HECTD4: variants seen among roughly 807,000 people sequenced by gnomAD.
HECTD4 encodes the protein HECT domain E3 ubiquitin protein ligase 4.
Under a neutral mutation model 471.5 loss-of-function variants are expected in HECTD4, and 114 were observed. The observed-to-expected ratio is 0.24, with a 90% CI of 0.21 to 0.28. HECTD4 has a LOEUF of 0.28. HECTD4 is among the 10% of genes least tolerant of loss of function. HECTD4 has a pLI of 1.00. For missense variants in HECTD4, 3,866 were observed against 5,651.5 expected (o/e 0.68, Z 10.13); for synonymous variants, 2,012 against 2,256.0 (o/e 0.89, Z 3.07).
intron 35 of HECTD4, among the ~76,000 whole-genome samples, chr12:112,236,148 G>T (rs1269405601): frequency 6.6e-6 from 1 of 152,070 alleles, no homozygotes; most frequent in Non-Finnish European, 1.5e-5. Context: ...TATTTAACAT[G>T]TATACACAGG....
chr12:112,177,000 G>A (rs1449321260), intron 64 of HECTD4, among the ~76,000 whole-genome samples: 2 of 152,164 alleles, frequency 1.3e-5, no homozygotes, highest in Non-Finnish European at 2.9e-5. Context: ...GCCAGATGTA[G>A]CTACCTAAGG....
intron 70 of HECTD4, 31 bp downstream of exon 70, chr12:112,169,472 C>G: frequency 6.3e-7 from 1 of 1,583,038 alleles, no homozygotes. Context: ...CACAGCTCCT[C>G]CAGCGTGGAG....
rs2032274131 is a variant in HECTD4 at position 112,197,231 on chromosome 12, G to C, written c.8568-2165C>G. ...CTGGCTATGAGCTTGTTTTGGGTCT[G>C]ACCTGCAGCCCTGGTTTGGACACTG... On this transcript the variant is annotated intron_variant, in intron 55 of 75. Coordinates refer to ENST00000682272, the MANE Select transcript of HECTD4 (RefSeq NM_001388303.1). Among the ~76,000 whole-genome samples the C allele has an allele frequency of 2.0e-5, 3 of 152,304 alleles. No individual in the cohort carries two copies. In the South Asian group the frequency reaches 6.2e-4, roughly 32 times the overall value.
intron 34 of HECTD4, among the ~76,000 whole-genome samples, chr12:112,238,561 A>AAAC (rs890441829): frequency 2.0e-5 from 3 of 152,128 alleles, no homozygotes; most frequent in Non-Finnish European, 4.4e-5. Context: ...CTCTAAAAAC[A>AAAC]AACAACAACA....
chr12:112,264,059 C>A, intron 17 of HECTD4, 25 bp downstream of exon 17: 1 of 1,600,262 alleles, frequency 6.2e-7, no homozygotes, highest in South Asian at 1.1e-5. Flanking sequence ...TAGAACGCAT[C>A]GTTAAAATAA....
At chr12:112,378,313 G>T (rs576978593) in intron 1 of HECTD4, among the ~76,000 whole-genome samples, 3 of 152,086 alleles carry the variant, frequency 2.0e-5, no homozygotes, top group Non-Finnish European at 2.9e-5. Context: ...CCGCCTCCCG[G>T]GTTCACACCA....
At position 112,279,306 on chromosome 12, in the gene HECTD4, C is replaced by T. The variant is rs368477197; in HGVS notation, c.1609G>A (p.Val537Met). The T allele has an allele frequency of 1.2e-6, 2 of 1,613,076 alleles. No individual in the cohort carries two copies. The highest frequency in any genetic ancestry group is 2.2e-5 in the East Asian group (1 of 44,814). ...CTGCCTGATCCCCCTGGAGGAGGCA[C>T]CAGCATCACCAAGTAGGTGCCACAG... ...YTCGTYLVML[V>M]PPPGGSGSSA... The change falls in exon 9 of 76, where the codon GTG becomes ATG. Residue 537 changes from valine (V) to methionine (M), a missense_variant. Physicochemically the swap from Val to Met is conservative, Grantham distance 21. This residue lies in a region of HECTD4 where 525 missense variants were observed against 672.6 expected (regional missense o/e 0.78). Transcript: ENST00000682272.
At chr12:112,170,212 G>C (rs2031158251) in intron 69 of HECTD4, 121 bp downstream of exon 69, 2 of 1,375,884 alleles carry the variant, frequency 1.5e-6, no homozygotes, top group Non-Finnish European at 2.0e-6. Context: ...GGGCGCTCCA[G>C]CAGAACGACA....
chr12:112,205,383 G>C, intron 52 of HECTD4, among the ~76,000 whole-genome samples: 1 of 152,238 alleles, frequency 6.6e-6, no homozygotes, highest in East Asian at 1.9e-4. Context: ...GCAGTGAGCT[G>C]AGATTGCACC....
chr12:112,196,783 G>A lies in HECTD4; in HGVS notation c.8568-1717C>T, dbSNP rs530758041. Among the ~76,000 whole-genome samples, 48 of 151,958 alleles carry A rather than the reference G, an allele frequency of 3.2e-4. 1 individual carries two copies. Among genetic ancestry groups the A allele is most frequent in the African/African-American group, 1.1e-3 (46 of 41,432 alleles). ...TTTTTTCTTATTTTTGTAGAGACAC[G>A]GTCTCTCTCTCTCTCTTTTTTTTGT... On this transcript the variant is annotated intron_variant, in intron 55 of 75. Coordinates refer to ENST00000682272, the MANE Select transcript of HECTD4 (RefSeq NM_001388303.1).
chr12:112,250,150 C>G lies in HECTD4; in HGVS notation c.3944G>C (p.Ser1315Thr), dbSNP rs2033848750. ...ACACTACACAGCAACATACTTTATACTTGGTCTAAATTGAGGTCTAGCACG... is the reference window on the plus strand; with the variant it reads ...ACACTACACAGCAACATACTTTATAGTTGGTCTAAATTGAGGTCTAGCACG... ...SGRARPQFRP[S>T]IKEVIQPDVM... The change falls in exon 25 of 76, where the codon AGT becomes ACT. Residue 1315 changes from serine (S) to threonine (T), a missense_variant. Coordinates refer to ENST00000682272, the MANE Select transcript of HECTD4 (RefSeq NM_001388303.1). 2.5e-6 allele frequency: 4 copies of G among 1,610,236 alleles called. No homozygotes were observed. The highest frequency in any genetic ancestry group is 2.7e-5 in the African/African-American group (2 of 74,828).
chr12:112,185,373 G>A lies in HECTD4; in HGVS notation c.9593C>T (p.Ser3198Phe). 6.2e-7 allele frequency: 1 copy of A among 1,610,504 alleles called. No individual in the cohort carries two copies. Among genetic ancestry groups the A allele is most frequent in the Non-Finnish European group, 8.5e-7 (1 of 1,178,656 alleles). The change falls in exon 61 of 76, where the codon TCC (serine) becomes TTC (phenylalanine). Residue 3198 changes from serine to phenylalanine, a missense_variant. By Grantham distance (155) the Ser-to-Phe change is radical (BLOSUM62 -2). Around this residue, in one of 16 missense-constraint regions of HECTD4, gnomAD observed 364 missense variants for 413.2 expected, o/e 0.88. Transcript: ENST00000682272. ...LEQRRHPAGL[S>F]SSIALQLNPC... Reference sequence around the variant, plus strand: ...GTTCAGCTGGAGGGCGATTGAGGAGGACAGGCCAGCGGGGTGCCGCCTCTG... The same window carrying A: ...GTTCAGCTGGAGGGCGATTGAGGAGAACAGGCCAGCGGGGTGCCGCCTCTG...
chr12:112,356,974 G>A (rs763386051), intron 1 of HECTD4, among the ~76,000 whole-genome samples: 2 of 152,194 alleles, frequency 1.3e-5, no homozygotes, highest in African/African-American at 4.8e-5. Flanking sequence ...CAGACAGTTC[G>A]TGGTATGTGG....
chr12:112,282,260 G>C (rs1462350744), intron 8 of HECTD4, among the ~76,000 whole-genome samples: 1 of 152,156 alleles, frequency 6.6e-6, no homozygotes. Context: ...GCGGGCGCCT[G>C]TAGTCCCAGC....
At chr12:112,265,610 G>C (rs967035181) in intron 15 of HECTD4, among the ~76,000 whole-genome samples, 1 of 152,120 alleles carries the variant, frequency 6.6e-6, no homozygotes, top group Non-Finnish European at 1.5e-5. Flanking sequence ...TCTGAACCAA[G>C]ATCTCCTAAG....
At chr12:112,181,992 T>G (rs2031687021) in intron 62 of HECTD4, among the ~76,000 whole-genome samples, 1 of 151,884 alleles carries the variant, frequency 6.6e-6, no homozygotes, top group African/African-American at 2.4e-5. Context: ...CTGGGGAGGC[T>G]GAGGCAGGGA....
chr12:112,289,616 C>T (rs1163557671), intron 7 of HECTD4, among the ~76,000 whole-genome samples: 2 of 151,768 alleles, frequency 1.3e-5, no homozygotes, highest in African/African-American at 4.8e-5. Context: ...TATATGGTTA[C>T]TCTTGGAAAT....
intron 1 of HECTD4, among the ~76,000 whole-genome samples, chr12:112,331,712 A>G (rs2135715786): frequency 6.6e-6 from 1 of 152,324 alleles, no homozygotes; most frequent in Admixed American, 6.5e-5. Flanking sequence ...TCATACAACA[A>G]AGACCTGACT....
intron 3 of HECTD4, among the ~76,000 whole-genome samples, chr12:112,313,934 G>C (rs554322121): frequency 6.6e-6 from 1 of 152,252 alleles, no homozygotes; most frequent in African/African-American, 2.4e-5. Flanking sequence ...CAAAATGTTA[G>C]GAGTAGTTAT....
Sources: gnomAD v4.1 joint callset for allele counts (sites outside exome capture counted in the v4.1 genomes callset) on GRCh38, gnomAD v4.1.1 for gene constraint, gnomAD v4.1.1 regional missense constraint, MANE v1.5 for transcripts, NCBI Gene and HGNC (gene_info 2026-07-23, HGNC 2026-07-21) for gene names.